Variants in DPP6 observed in about 807,000 individuals in gnomAD.
DPP6 encodes A-type potassium channel modulatory protein DPP6.
DPP6 carries 69 observed loss-of-function variants against 122.6 expected under a neutral mutation model. The ratio of observed to expected loss-of-function variants is 0.56; its 90% confidence interval spans 0.46 to 0.69. The LOEUF (loss-of-function observed/expected upper bound fraction) is 0.69, where lower values mean the gene tolerates loss of function less well. Among genes scored for constraint, DPP6 ranks in the 30% least tolerant of loss-of-function variants. The pLI is 0.00. For synonymous variants in DPP6, 418 were observed against 433.1 expected, an observed-to-expected ratio of 0.97 and a Z score of 0.43; for missense variants, 928 against 1,116.9, an observed-to-expected ratio of 0.83 and a Z score of 2.41.
intron 1 of DPP6, among the ~76,000 whole-genome samples, chr7:154,295,614 T>C (rs1805486975): frequency 2.6e-5 from 4 of 152,016 alleles, no homozygotes; most frequent in Admixed American, 2.6e-4. Flanking sequence ...TGTCGTACTT[T>C]CTTCCTCCTT....
chr7:154,628,274 G>A (rs1419699082), intron 5 of DPP6, among the ~76,000 whole-genome samples: 3 of 152,138 alleles, frequency 2.0e-5, no homozygotes, highest in African/African-American at 7.2e-5. Flanking sequence ...ATGTGTACTT[G>A]TCAGCCTTAT....
At chr7:153,795,213 G>A in the DPP6 span, among the ~76,000 whole-genome samples, 1 of 152,168 alleles carries the variant, frequency 6.6e-6, no homozygotes, top group African/African-American at 2.4e-5. Context: ...TCAGGAGATC[G>A]AGACCATCCT....
At chr7:154,741,937 A>G (rs1315163142) in intron 8 of DPP6, among the ~76,000 whole-genome samples, 1 of 152,270 alleles carries the variant, frequency 6.6e-6, no homozygotes, top group African/African-American at 2.4e-5. Context: ...TACATGTAGC[A>G]AAATTCATCT....
At chr7:154,003,635 C>T in intron 1 of DPP6, among the ~76,000 whole-genome samples, 1 of 151,908 alleles carries the variant, frequency 6.6e-6, no homozygotes, top group Non-Finnish European at 1.5e-5. Flanking sequence ...AGAAGGAATA[C>T]TGACTATTCC....
chr7:154,157,177 G>T (rs1000674803), intron 1 of DPP6, among the ~76,000 whole-genome samples: 3 of 152,396 alleles, frequency 2.0e-5, no homozygotes, highest in Non-Finnish European at 4.4e-5. Context: ...ACATGTTTTT[G>T]TATCTCACAT....
intron 1 of DPP6, among the ~76,000 whole-genome samples, chr7:153,904,701 G>A (rs1799777682): frequency 6.6e-6 from 1 of 152,098 alleles, no homozygotes; most frequent in African/African-American, 2.4e-5. Context: ...TCCTTCTTGG[G>A]GCTTCCATTC....
intron 1 of DPP6, among the ~76,000 whole-genome samples, chr7:154,083,004 A>G (rs1804140427): frequency 6.6e-6 from 1 of 151,716 alleles, no homozygotes; most frequent in African/African-American, 2.4e-5. Flanking sequence ...GCCCGCCACC[A>G]TGCCCGGCTA....
intron 4 of DPP6, among the ~76,000 whole-genome samples, chr7:154,547,846 A>G (rs1829319617): frequency 6.6e-6 from 1 of 152,084 alleles, no homozygotes. Context: ...TACAAGATAG[A>G]ACAGAAAACA....
At chr7:154,842,359 A>G (rs781756588) in intron 16 of DPP6, among the ~76,000 whole-genome samples, 9 of 152,196 alleles carry the variant, frequency 5.9e-5, no homozygotes, top group Non-Finnish European at 8.8e-5. Flanking sequence ...CCCTGTCTTT[A>G]TGAATTTTTT....
At chr7:154,774,722 G>A (rs56309129) in intron 10 of DPP6, among the ~76,000 whole-genome samples, 3,050 of 152,306 alleles carry the variant, frequency 0.02, 90 homozygotes, top group African/African-American at 0.07. Context: ...AGAAATCCCA[G>A]GCTCAATGTA....
intron 1 of DPP6, among the ~76,000 whole-genome samples, chr7:154,217,050 A>G (rs987416388): frequency 1.3e-5 from 2 of 151,826 alleles, no homozygotes; most frequent in Non-Finnish European, 2.9e-5. Context: ...ACCTTGTCCA[A>G]TTTTACGCAC....
At chr7:154,249,407 T>C (rs899841589) in intron 1 of DPP6, among the ~76,000 whole-genome samples, 12 of 152,254 alleles carry the variant, frequency 7.9e-5, no homozygotes, top group African/African-American at 2.7e-4. Flanking sequence ...GCCTGGGAGA[T>C]AATAAAATTG....
intron 2 of DPP6, among the ~76,000 whole-genome samples, chr7:154,467,691 C>T (rs1435549618): frequency 1.3e-5 from 2 of 152,188 alleles, no homozygotes; most frequent in Admixed American, 1.3e-4. Context: ...TACTCCCTCT[C>T]TCCTTTTCAG....
At chr7:154,725,491 T>C (rs768060078) in intron 7 of DPP6, among the ~76,000 whole-genome samples, 16 of 152,076 alleles carry the variant, frequency 1.1e-4, no homozygotes, top group Non-Finnish European at 2.4e-4. Context: ...GGGAGTGCTA[T>C]ACACTTTTAA....
the DPP6 span, among the ~76,000 whole-genome samples, chr7:153,867,096 T>A: frequency 5.9e-4 from 90 of 152,224 alleles, no homozygotes; most frequent in Non-Finnish European, 4.8e-4. Context: ...TGCCTCCAGC[T>A]TTGTTCTTTT....
chr7:153,836,468 A>C, the DPP6 span, among the ~76,000 whole-genome samples: 1 of 152,312 alleles, frequency 6.6e-6, no homozygotes, highest in East Asian at 1.9e-4. Context: ...TGGGTTCAAA[A>C]GTTACCTATG....
chr7:154,134,093 C>T (rs1385084918), intron 1 of DPP6, among the ~76,000 whole-genome samples: 1 of 152,012 alleles, frequency 6.6e-6, no homozygotes, highest in Non-Finnish European at 1.5e-5. Flanking sequence ...ATTGAGAACA[C>T]TTCCTCCCAC....
chr7:153,929,801 TCAGA>T (rs530693044), intron 1 of DPP6, among the ~76,000 whole-genome samples: 40 of 152,344 alleles, frequency 2.6e-4, no homozygotes, highest in South Asian at 2.1e-3. Flanking sequence ...TATTTGATTG[TCAGA>T]CAGGGTGAAT....
intron 20 of DPP6, 146 bp downstream of exon 20, chr7:154,876,246 T>G: frequency 7.9e-7 from 1 of 1,273,042 alleles, no homozygotes; most frequent in African/African-American, 1.5e-5. Context: ...TCTTGGCCAT[T>G]CCAAAGAAGT....
Sources: gnomAD v4.1 joint callset for allele counts (sites outside exome capture counted in the v4.1 genomes callset) on GRCh38, gnomAD v4.1.1 for gene constraint, MANE v1.5 for transcripts, NCBI Gene and HGNC (gene_info 2026-07-23, HGNC 2026-07-21) for gene names.